HHAT: variants seen among roughly 807,000 people sequenced by gnomAD.
HHAT encodes the protein protein-cysteine N-palmitoyltransferase HHAT.
In HHAT, 47 loss-of-function variants were observed where a neutral mutation model predicts 70.8. The ratio of observed to expected loss-of-function variants is 0.66; its 90% CI spans 0.53 to 0.85. The LOEUF is 0.85. HHAT is among the 40% of genes least tolerant of loss of function. HHAT has a pLI of 0.00. For synonymous variants in HHAT, 228 were observed against 247.6 expected (o/e 0.92, Z 0.74); for missense variants, 609 against 604.8 (o/e 1.01, Z -0.07).
chr1:210,634,238 G>T (rs1429560830), intron 11 of HHAT, among the ~76,000 whole-genome samples: 1 of 152,186 alleles, frequency 6.6e-6, no homozygotes, highest in East Asian at 1.9e-4. Flanking sequence ...CGCCCAGAGA[G>T]CACTAGGAAG....
At chr1:210,576,085 A>G (rs1657664176) in intron 9 of HHAT, among the ~76,000 whole-genome samples, 1 of 152,168 alleles carries the variant, frequency 6.6e-6, no homozygotes, top group South Asian at 2.1e-4. Context: ...ATCAACAGGT[A>G]TATGTGGCTG....
At chr1:210,553,967 G>T (rs531247888) in intron 9 of HHAT, among the ~76,000 whole-genome samples, 26 of 152,268 alleles carry the variant, frequency 1.7e-4, no homozygotes, top group Admixed American at 1.4e-3. Context: ...ATTCATCACT[G>T]GGATCTGTAT....
chr1:210,615,741 G>T (rs1287830356), intron 10 of HHAT, among the ~76,000 whole-genome samples: 1 of 152,272 alleles, frequency 6.6e-6, no homozygotes, highest in African/African-American at 2.4e-5. Context: ...AGTGGAGGCT[G>T]CAGAGCAGCG....
chr1:210,476,037 C>T (rs1205466306), intron 8 of HHAT, among the ~76,000 whole-genome samples: 1 of 152,164 alleles, frequency 6.6e-6, no homozygotes, highest in Non-Finnish European at 1.5e-5. Context: ...AGGTTTTGAA[C>T]CATAAGTGTG....
chr1:210,547,291 A>T (rs1477991077), intron 9 of HHAT, among the ~76,000 whole-genome samples: 2 of 152,168 alleles, frequency 1.3e-5, no homozygotes, highest in Non-Finnish European at 2.9e-5. Flanking sequence ...GTGCCATTGC[A>T]CTCCAGCCTG....
chr1:210,392,169 G>T (rs182489542), intron 4 of HHAT, among the ~76,000 whole-genome samples: 47 of 152,110 alleles, frequency 3.1e-4, no homozygotes, highest in African/African-American at 1.1e-3. Flanking sequence ...GCACCTGGCC[G>T]GATATTTCAT....
At chr1:210,639,786 A>T (rs1293102924) in intron 11 of HHAT, among the ~76,000 whole-genome samples, 1 of 152,154 alleles carries the variant, frequency 6.6e-6, no homozygotes, top group East Asian at 1.9e-4. Flanking sequence ...CGTTAGTATG[A>T]TGTCAGTTCT....
intron 2 of HHAT, among the ~76,000 whole-genome samples, chr1:210,361,781 CCACCCTTATACTGAGAA>C (rs1305735684): frequency 2.0e-5 from 3 of 151,818 alleles, no homozygotes; most frequent in Admixed American, 6.6e-5. Context: ...TGGTTTTGTC[CCACCCTTATACTGAGAA>C]CTTGTAAGTC....
intron 10 of HHAT, among the ~76,000 whole-genome samples, chr1:210,591,061 G>A (rs990538993): frequency 6.6e-6 from 1 of 152,042 alleles, no homozygotes; most frequent in Non-Finnish European, 1.5e-5. Flanking sequence ...TCCTTTCTTT[G>A]CGTTACAACC....
chr1:210,387,057 A>G (rs989751485), intron 3 of HHAT, among the ~76,000 whole-genome samples: 2 of 152,182 alleles, frequency 1.3e-5, no homozygotes, highest in East Asian at 3.9e-4. Context: ...GATAGCCTCA[A>G]TTCATTACTT....
intron 10 of HHAT, among the ~76,000 whole-genome samples, chr1:210,618,379 T>C (rs1668176876): frequency 6.6e-6 from 1 of 152,196 alleles, no homozygotes; most frequent in African/African-American, 2.4e-5. Flanking sequence ...CCATTGCCTT[T>C]TTCATCCTCT....
chr1:210,416,634 T>G (rs955729680), intron 6 of HHAT, among the ~76,000 whole-genome samples: 2 of 152,228 alleles, frequency 1.3e-5, no homozygotes, highest in African/African-American at 4.8e-5. Flanking sequence ...AATTTTCATC[T>G]GTGTTGTCCA....
rs952581999 is a variant in HHAT, at chr1:210,632,833, C to T, written c.1390+9163C>T. Among the ~76,000 whole-genome samples the T allele has an allele frequency of 4.6e-5, 7 of 152,100 alleles. No homozygotes were observed. In the South Asian group the frequency reaches 6.2e-4, roughly 14 times the overall value. On this transcript the variant is annotated intron_variant, in intron 11 of 11. Coordinates refer to ENST00000261458, the MANE Select transcript of HHAT (RefSeq NM_018194.6). The stretch of plus-strand genomic sequence containing the variant: ...TCTGGTGTCCTTATAAAAAGGGGAA[C>T]TTTGAATACTGAGATAGACATGCAC...
At chr1:210,608,868 C>T (rs1666032759) in intron 10 of HHAT, among the ~76,000 whole-genome samples, 1 of 152,152 alleles carries the variant, frequency 6.6e-6, no homozygotes, top group Non-Finnish European at 1.5e-5. Flanking sequence ...AATTGACTCA[C>T]AGTTCAACAT....
In HHAT at chr1:210,503,259, A is replaced by G. The variant is rs114846828; in HGVS notation, c.1008-9894A>G. ...ACAGGCATGAGCCACTATGTATTCAATATTTAATTTTACTTAGCCTGACTG... is the reference window on the plus strand; with the variant it reads ...ACAGGCATGAGCCACTATGTATTCAGTATTTAATTTTACTTAGCCTGACTG... On this transcript the variant is annotated intron_variant, in intron 8 of 11. Transcript: ENST00000261458. Among the ~76,000 whole-genome samples, 1,069 of 152,274 alleles carry G rather than the reference A, an allele frequency of 7.0e-3. 14 individuals are homozygous for G. Among genetic ancestry groups the G allele is most frequent in the African/African-American group, 0.024 (985 of 41,548 alleles).
At chr1:210,617,790 T>G (rs190363968) in intron 10 of HHAT, among the ~76,000 whole-genome samples, 4 of 152,384 alleles carry the variant, frequency 2.6e-5, no homozygotes, top group Admixed American at 2.6e-4. Flanking sequence ...CTCAGGAGTA[T>G]GCACACAGAG....
chr1:210,481,532 G>T (rs73077504), intron 8 of HHAT, among the ~76,000 whole-genome samples: 31,196 of 152,024 alleles, frequency 0.21, 3,457 homozygotes, highest in African/African-American at 0.3. Context: ...ACAAAAATGT[G>T]AAAAACAAGG....
intron 6 of HHAT, among the ~76,000 whole-genome samples, chr1:210,413,218 A>G (rs1159168868): frequency 6.6e-6 from 1 of 152,364 alleles, no homozygotes; most frequent in African/African-American, 2.4e-5. Context: ...CACTGTTGAC[A>G]TTTGGTGTAT....
intron 10 of HHAT, among the ~76,000 whole-genome samples, chr1:210,609,571 G>C (rs1666187315): frequency 6.6e-6 from 1 of 152,086 alleles, no homozygotes; most frequent in Non-Finnish European, 1.5e-5. Context: ...TATATAGGTA[G>C]ATGTGTGCCA....
Sources: allele counts gnomAD v4.1 joint callset (sites outside exome capture counted in the v4.1 genomes callset), GRCh38; gene constraint gnomAD v4.1.1; transcripts MANE v1.5; gene names NCBI Gene and HGNC (gene_info 2026-07-23, HGNC 2026-07-21).